The following STK39 variants were observed in gnomAD, a reference collection of about 807,000 sequenced individuals.
STK39 encodes the protein STE20/SPS1-related proline-alanine-rich protein kinase.
STK39 carries 20 observed loss-of-function variants against 77.8 expected under a neutral mutation model. That is an observed-to-expected ratio of 0.26 (90% CI 0.18 to 0.37). The LOEUF (loss-of-function observed/expected upper bound fraction) is 0.37, where lower values mean the gene tolerates loss of function less well. STK39 is among the 10% of genes least tolerant of loss of function. The pLI, the probability that STK39 is intolerant of heterozygous loss-of-function variation, is 1.00. For synonymous variants in STK39, 246 were observed against 234.1 expected (o/e 1.05, Z -0.47); for missense variants, 479 against 656.5 (o/e 0.73, Z 2.95).
chr2:168,226,365 A>G (rs1690306161), intron 1 of STK39, among the ~76,000 whole-genome samples: 1 of 151,952 alleles, frequency 6.6e-6, no homozygotes, highest in Admixed American at 6.6e-5. Flanking sequence ...TCCCACATCT[A>G]CCTTTATAAA....
intron 12 of STK39, among the ~76,000 whole-genome samples, chr2:168,066,707 G>A (rs557688394): frequency 1.3e-5 from 2 of 152,326 alleles, no homozygotes; most frequent in African/African-American, 4.8e-5. Flanking sequence ...CAATCATCAA[G>A]ATGGAGGGCT....
intron 1 of STK39, among the ~76,000 whole-genome samples, chr2:168,194,503 A>G (rs1689421601): frequency 6.6e-6 from 1 of 152,170 alleles, no homozygotes; most frequent in Admixed American, 6.6e-5. Context: ...TAAGTTTATT[A>G]TTTGATTTTT....
intron 14 of STK39, among the ~76,000 whole-genome samples, chr2:168,060,974 T>A (rs920442565): frequency 6.6e-6 from 1 of 152,200 alleles, no homozygotes; most frequent in Non-Finnish European, 1.5e-5. Context: ...TGGACATACA[T>A]CTAAACACTA....
At chr2:168,036,751 T>C (rs1175504286) in intron 14 of STK39, among the ~76,000 whole-genome samples, 1 of 152,146 alleles carries the variant, frequency 6.6e-6, no homozygotes, top group Non-Finnish European at 1.5e-5. Context: ...ACAGGATTCC[T>C]AGAGCTTAAT....
At chr2:168,019,186 G>A (rs4368297) in intron 14 of STK39, among the ~76,000 whole-genome samples, 18,831 of 152,070 alleles carry the variant, frequency 0.12, 2,488 homozygotes, top group African/African-American at 0.32. Flanking sequence ...TGAAAATTGT[G>A]GATCCTCACC....
At chr2:168,107,256 T>C (rs1010921422) in intron 10 of STK39, among the ~76,000 whole-genome samples, 5 of 152,234 alleles carry the variant, frequency 3.3e-5, no homozygotes, top group Admixed American at 6.5e-5. Context: ...CCCATACGAA[T>C]AACTTCACAA....
chr2:167,969,718 G>A (rs1043144691), intron 16 of STK39, among the ~76,000 whole-genome samples: 29 of 152,274 alleles, frequency 1.9e-4, no homozygotes, highest in African/African-American at 6.7e-4. Context: ...CCACCAACTT[G>A]CCACTAGACT....
chr2:168,212,558 G>A (rs971882641), intron 1 of STK39, among the ~76,000 whole-genome samples: 1 of 152,186 alleles, frequency 6.6e-6, no homozygotes, highest in Admixed American at 6.5e-5. Flanking sequence ...CCTGATAACT[G>A]TTTAGAGCAT....
intron 1 of STK39, among the ~76,000 whole-genome samples, chr2:168,203,432 G>GA (rs1278417879): frequency 6.7e-6 from 1 of 148,450 alleles, no homozygotes; most frequent in Non-Finnish European, 1.5e-5. Context: ...CTCAGGAAAA[G>GA]AAAAAAAAGA....
intron 7 of STK39, 139 bp from the exon 8 acceptor site, chr2:168,138,360 T>C (rs1687891521): frequency 1.6e-6 from 2 of 1,216,460 alleles, no homozygotes; most frequent in South Asian, 1.6e-5. Context: ...TTTGCAGAAA[T>C]TGTGTATTTA....
intron 10 of STK39, among the ~76,000 whole-genome samples, chr2:168,092,904 C>T (rs116430213): frequency 0.027 from 4,044 of 152,258 alleles, 173 homozygotes; most frequent in African/African-American, 0.087. Flanking sequence ...GTGCAGGCTA[C>T]GCACTCCCAG....
chr2:168,219,472 G>T (rs1023936823), intron 1 of STK39, among the ~76,000 whole-genome samples: 7 of 152,118 alleles, frequency 4.6e-5, no homozygotes, highest in African/African-American at 1.7e-4. Flanking sequence ...AGGCTTTTCT[G>T]TGACTTCTTT....
At position 168,185,140 on chromosome 2, in the gene STK39, C is replaced by T. The variant is rs920404268; in HGVS notation, c.209-3050G>A. On this transcript the variant is annotated intron_variant, in intron 1 of 17. Coordinates refer to ENST00000355999, the MANE Select transcript of STK39 (RefSeq NM_013233.3). ...TATTTTGAACAATATATGATACTGA[C>T]ACATGACTCATTAACATTAGTAGCA... Among the ~76,000 whole-genome samples, 9 of 152,174 alleles carry T rather than the reference C, an allele frequency of 5.9e-5. 1 individual carries two copies. In the South Asian group the frequency reaches 1.7e-3, roughly 28 times the overall value.
At chr2:168,014,334 A>G (rs1334952760) in intron 15 of STK39, among the ~76,000 whole-genome samples, 3 of 152,148 alleles carry the variant, frequency 2.0e-5, no homozygotes, top group Non-Finnish European at 2.9e-5. Context: ...AGCGTAAAAA[A>G]TTAGCTGGGC....
At chr2:167,979,103 G>C (rs931898027) in intron 16 of STK39, among the ~76,000 whole-genome samples, 1 of 152,082 alleles carries the variant, frequency 6.6e-6, no homozygotes, top group Non-Finnish European at 1.5e-5. Flanking sequence ...GGGTATTTCT[G>C]AGTTCTGCTG....
chr2:168,061,258 C>T (rs1309954425), intron 14 of STK39, among the ~76,000 whole-genome samples: 1 of 146,442 alleles, frequency 6.8e-6, no homozygotes, highest in African/African-American at 2.5e-5. Context: ...AAAAAAAAAC[C>T]ACATTATCTT....
At chr2:168,110,461 C>T (rs561924120) in intron 10 of STK39, among the ~76,000 whole-genome samples, 24 of 152,236 alleles carry the variant, frequency 1.6e-4, no homozygotes, top group African/African-American at 5.3e-4. Context: ...TAGTTTCAAA[C>T]TCCTGGCCTC....
At chr2:168,012,106 A>G (rs1684285381) in intron 16 of STK39, among the ~76,000 whole-genome samples, 1 of 152,136 alleles carries the variant, frequency 6.6e-6, no homozygotes, top group African/African-American at 2.4e-5. Flanking sequence ...CCAATAAATG[A>G]GGCTCCTCAT....
chr2:168,236,746 A>T (rs978175239), intron 1 of STK39, among the ~76,000 whole-genome samples: 2 of 152,192 alleles, frequency 1.3e-5, no homozygotes, highest in African/African-American at 4.8e-5. Context: ...TTTGTCAAAG[A>T]TCAGATGGTT....
Sources: allele counts gnomAD v4.1 joint callset (sites outside exome capture counted in the v4.1 genomes callset), GRCh38; gene constraint gnomAD v4.1.1; transcripts MANE v1.5; gene names NCBI Gene and HGNC (gene_info 2026-07-23, HGNC 2026-07-21).